GTPBP4: variants seen among roughly 807,000 people sequenced by gnomAD.
GTPBP4 encodes the protein GTP binding protein 4, also known as GTP-binding protein 4.
In GTPBP4, 15 loss-of-function variants were observed where a neutral mutation model predicts 81.7. That is an observed-to-expected ratio of 0.18 (90% CI 0.12 to 0.28). The LOEUF (loss-of-function observed/expected upper bound fraction) is 0.28. Ranked by LOEUF, GTPBP4 falls within the 10% of genes least tolerant of loss-of-function variation. The probability of loss-of-function intolerance (pLI) is 1.00; values close to 1 mark genes in which losing one functional copy is unlikely to be tolerated. For synonymous variants in GTPBP4, 272 were observed against 274.6 expected (o/e 0.99, Z 0.09); for missense variants, 847 against 793.8 (o/e 1.07, Z -0.81).
chr10:994,495 T>A (rs896477762), intron 2 of GTPBP4, among the ~76,000 whole-genome samples: 2 of 152,126 alleles, frequency 1.3e-5, no homozygotes, highest in African/African-American at 4.8e-5. Flanking sequence ...GGTCTCGAAC[T>A]CCTGACCTCA....
At chr10:995,501 A>G (rs1395996457) in intron 2 of GTPBP4, among the ~76,000 whole-genome samples, 1 of 60,060 alleles carries the variant, frequency 1.7e-5, no homozygotes, top group African/African-American at 8.0e-5. Context: ...GTGTCTTGGG[A>G]GCAAAGAGAG....
intron 5 of GTPBP4, 76 bp downstream of exon 5, chr10:997,384 A>G: frequency 1.2e-6 from 1 of 846,876 alleles, no homozygotes; most frequent in Non-Finnish European, 2.1e-6. Context: ...GCGGCGTGGG[A>G]TTCAGGATGG....
intron 15 of GTPBP4, among the ~76,000 whole-genome samples, chr10:1,015,411 AGC>A: frequency 8.3e-6 from 1 of 119,980 alleles, no homozygotes; most frequent in Non-Finnish European, 1.7e-5. Flanking sequence ...TGGGGTCCTG[AGC>A]GCTGAGCCTG....
rs1339286633 is a variant in GTPBP4, at chr10:996,136, G to A, written c.354G>A (p.Lys118=). ...CTAAAGATTATGTGCGACTGATGAA[G>A]TATGGCGACTCTCTCTACCGCTGCA... ...NVAKDYVRLM[K]YGDSLYRCKQ... is the part of the protein sequence containing the mutation. Residue 118 remains lysine (K), a synonymous_variant, in exon 4 of 17, where the codon AAG becomes AAA. Coordinates refer to ENST00000360803, the MANE Select transcript of GTPBP4 (RefSeq NM_012341.3). 1.2e-6 allele frequency: 2 copies of A among 1,610,886 alleles called. No individual in the cohort carries two copies. Among genetic ancestry groups the A allele is most frequent in the Non-Finnish European group, 1.7e-6 (2 of 1,177,402 alleles).
chr10:997,182 A>T (rs1310993073), intron 4 of GTPBP4, 26 bp from the exon 5 acceptor site: 1 of 1,308,604 alleles, frequency 7.6e-7, no homozygotes, highest in Non-Finnish European at 1.1e-6. Context: ...TGAATTTCTT[A>T]ATTTTTCAAT....
chr10:1,010,149 T>A (rs946291448), intron 12 of GTPBP4, among the ~76,000 whole-genome samples: 466 of 102,722 alleles, frequency 4.5e-3, no homozygotes, highest in African/African-American at 0.014. Flanking sequence ...GTGGGGTGAT[T>A]TCTGTAGCTT....
At chr10:993,681 T>G (rs1355125899) in intron 2 of GTPBP4, among the ~76,000 whole-genome samples, 2 of 152,222 alleles carry the variant, frequency 1.3e-5, no homozygotes, top group Non-Finnish European at 2.9e-5. Flanking sequence ...ATCAGCAGTA[T>G]AGTCTCAAAG....
chr10:997,300 A>C lies in GTPBP4; in HGVS notation c.553A>C (p.Ile185Leu). The C allele has an allele frequency of 6.4e-7, 1 of 1,558,518 alleles. No individual in the cohort carries two copies. The highest frequency in any genetic ancestry group is 8.9e-7 in the Non-Finnish European group (1 of 1,129,240). The stretch of plus-strand genomic sequence containing the variant: ...CCCAAATGTTGGGAAGTCCAGCTTC[A>C]TCAACAAGGTTGGTCTGGTTTTTAT... ...GYPNVGKSSF[I>L]NKVTRADVDV... Residue 185 changes from isoleucine (I) to leucine (L), a missense_variant, in exon 5 of 17, where the codon ATC becomes CTC. By Grantham distance (5) the Ile-to-Leu change is conservative. This residue lies in a region of GTPBP4 where 6 missense variants were observed against 20.4 expected (regional missense o/e 0.29). Coordinates refer to ENST00000360803, the MANE Select transcript of GTPBP4 (RefSeq NM_012341.3).
Position 1,019,692 on chromosome 10 carries a change from CT to C in GTPBP4, c.*2469del, listed in dbSNP as rs755794752. On this transcript the variant is annotated 3_prime_UTR_variant, in exon 17 of 17. Transcript: ENST00000360803. ...CTCCTCCTGGGACAGGTAGAGGATG[CT>C]TTTCGTTTCACTGGGATCCGGGTTC... is the stretch of plus-strand genomic sequence containing the variant. 5.5e-5 allele frequency: 89 copies of C among 1,613,932 alleles called. 1 individual carries two copies. Among genetic ancestry groups the C allele is most frequent in the Non-Finnish European group, 7.5e-5 (89 of 1,180,034 alleles).
chr10:1,013,583 C>G (rs945192829), intron 14 of GTPBP4, among the ~76,000 whole-genome samples: 1 of 151,974 alleles, frequency 6.6e-6, no homozygotes, highest in Non-Finnish European at 1.5e-5. Flanking sequence ...GCACTCCAGC[C>G]TGGGCAACAG....
chr10:997,020 A>T, intron 4 of GTPBP4, 188 bp from the exon 5 acceptor site: 2 of 569,542 alleles, frequency 3.5e-6, no homozygotes, highest in Non-Finnish European at 6.2e-6. Context: ...AACTTGGGAG[A>T]TAGCAATTGA....
chr10:996,312 G>T, intron 4 of GTPBP4, 70 bp downstream of exon 4: 1 of 1,366,728 alleles, frequency 7.3e-7, no homozygotes, highest in Non-Finnish European at 1.0e-6. Context: ...TTGAGGACTT[G>T]AGATGTCTGT....
In GTPBP4 at chr10:1,019,765, C is replaced by G. The variant is rs780341800; in HGVS notation, c.*2538C>G. On this transcript the variant is annotated 3_prime_UTR_variant, in exon 17 of 17. Transcript: ENST00000360803. ...AGCAGAAGGTAACAAATTTCATGCT[C>G]TCCCCAAATTCTGTCTGATTTTGCC... is the stretch of plus-strand genomic sequence containing the variant. 2 of 1,613,884 alleles carry G rather than the reference C, an allele frequency of 1.2e-6. No individual in the cohort carries two copies. The highest frequency in any genetic ancestry group is 1.3e-5 in the African/African-American group (1 of 74,876).
intron 9 of GTPBP4, among the ~76,000 whole-genome samples, chr10:1,006,242 A>C (rs1831729124): frequency 6.6e-6 from 1 of 152,258 alleles, no homozygotes; most frequent in Admixed American, 6.5e-5. Context: ...AGAAGGGAGA[A>C]AAGTCTGAAA....
In GTPBP4 at chr10:1,017,247, G is replaced by T; in HGVS notation, c.*20G>T. The T allele has an allele frequency of 6.2e-7, 1 of 1,609,954 alleles. No homozygotes were observed. The highest frequency in any genetic ancestry group is 1.1e-5 in the South Asian group (1 of 90,814). On this transcript the variant is annotated 3_prime_UTR_variant, in exon 17 of 17. Transcript: ENST00000360803. ...AGATAGTATCCGTTTGGTTGGCGTG[G>T]CTTCGCTAGAGTGTTGCTGTTTATT...
At chr10:1,011,951 C>T (rs1225759561) in intron 13 of GTPBP4, among the ~76,000 whole-genome samples, 1 of 152,262 alleles carries the variant, frequency 6.6e-6, no homozygotes. Flanking sequence ...GCACTGCTGG[C>T]CAGCATCTCG....
At chr10:1,007,687 A>G (rs1831769306) in intron 10 of GTPBP4, among the ~76,000 whole-genome samples, 1 of 152,228 alleles carries the variant, frequency 6.6e-6, no homozygotes, top group Admixed American at 6.5e-5. Flanking sequence ...TGTGGTGTTG[A>G]CAACGTTCCT....
chr10:1,014,307 G>T lies in GTPBP4; in HGVS notation c.1603G>T (p.Asp535Tyr). 1.2e-6 allele frequency: 2 copies of T among 1,605,378 alleles called. No homozygotes were observed. The highest frequency in any genetic ancestry group is 1.7e-6 in the Non-Finnish European group (2 of 1,172,320). Residue 535 changes from aspartate to tyrosine, a missense_variant, in exon 15 of 17, where the codon GAC (aspartate) becomes TAC (tyrosine). Coordinates refer to ENST00000360803, the MANE Select transcript of GTPBP4 (RefSeq NM_012341.3). The part of the protein sequence containing the change: ...RSLGVDMDDK[D>Y]DAHYAVQARR... ...TCTTGGTGTTGACATGGACGATAAAGACGATGTGAGTGTGGGGGCGGTTCA... is the reference window on the plus strand; with the variant it reads ...TCTTGGTGTTGACATGGACGATAAATACGATGTGAGTGTGGGGGCGGTTCA...
chr10:1,008,816 AATAATCTGTT>A, intron 10 of GTPBP4, 132 bp from the exon 11 acceptor site: 1 of 719,574 alleles, frequency 1.4e-6, no homozygotes, highest in African/African-American at 1.7e-5. Flanking sequence ...TCTCCCCTAA[AATAATCTGTT>A]GGTTGTTCAT....
Sources: allele counts gnomAD v4.1 joint callset (sites outside exome capture counted in the v4.1 genomes callset), GRCh38; gene constraint gnomAD v4.1.1; regional missense constraint gnomAD v4.1.1; transcripts MANE v1.5; gene names NCBI Gene and HGNC (gene_info 2026-07-23, HGNC 2026-07-21).